The following COL19A1 variants were observed in gnomAD, a reference collection of about 807,000 sequenced individuals.
COL19A1 encodes collagen type XIX alpha 1 chain.
A neutral mutation model predicts 190.2 loss-of-function variants in COL19A1; 159 were observed. The ratio of observed to expected loss-of-function variants is 0.84; its 90% confidence interval spans 0.73 to 0.95. The LOEUF is 0.95. Among genes scored for constraint, COL19A1 ranks in the 40% least tolerant of loss-of-function variants. The pLI is 0.00. For synonymous variants in COL19A1, 509 were observed against 458.9 expected (o/e 1.11, Z -1.39); for missense variants, 1,418 against 1,431.9 (o/e 0.99, Z 0.16).
chr6:70,188,252 A>C lies in COL19A1; in HGVS notation c.3027+7A>C. 1 of 1,605,704 alleles carries C rather than the reference A, an allele frequency of 6.2e-7. No homozygotes were observed. Among genetic ancestry groups the C allele is most frequent in the Non-Finnish European group, 8.5e-7 (1 of 1,177,384 alleles). On this transcript the variant is annotated splice_region_variant and intron_variant, in intron 47 of 50. Coordinates refer to ENST00000620364, the MANE Select transcript of COL19A1 (RefSeq NM_001858.6). ...AGGCATCCCTGGCATTCCGGTAAGTAGTGCTAAGACGCTTTAGGGCTCCTG... is the reference window on the plus strand; with the variant it reads ...AGGCATCCCTGGCATTCCGGTAAGTCGTGCTAAGACGCTTTAGGGCTCCTG...
intron 11 of COL19A1, among the ~76,000 whole-genome samples, chr6:69,967,844 C>T (rs1051988952): frequency 2.6e-5 from 4 of 152,082 alleles, no homozygotes; most frequent in African/African-American, 4.8e-5. Flanking sequence ...ATTTATTGAA[C>T]TCTATATTGT....
intron 15 of COL19A1, among the ~76,000 whole-genome samples, chr6:70,083,736 T>C (rs1562155620): frequency 6.6e-6 from 1 of 152,198 alleles, no homozygotes. Flanking sequence ...AAATATACAA[T>C]GAATTCTCAG....
chr6:70,058,821 GTTAAAA>G (rs1780656870), intron 14 of COL19A1, among the ~76,000 whole-genome samples: 1 of 151,780 alleles, frequency 6.6e-6, no homozygotes, highest in Non-Finnish European at 1.5e-5. Flanking sequence ...AGTGAGGAAA[GTTAAAA>G]TTAAAAAAAA....
intron 15 of COL19A1, among the ~76,000 whole-genome samples, chr6:70,071,808 C>T (rs1235282470): frequency 6.6e-6 from 1 of 151,936 alleles, no homozygotes; most frequent in Admixed American, 6.6e-5. Context: ...CAGAAAAAGG[C>T]CGTACAGAAC....
chr6:70,109,416 A>T (rs1382286256), intron 16 of COL19A1, among the ~76,000 whole-genome samples: 1 of 152,132 alleles, frequency 6.6e-6, no homozygotes. Flanking sequence ...GAATAGTGCC[A>T]GAAAAGATTT....
intron 40 of COL19A1, among the ~76,000 whole-genome samples, chr6:70,171,625 A>G (rs1765506934): frequency 6.6e-6 from 1 of 152,146 alleles, no homozygotes; most frequent in Non-Finnish European, 1.5e-5. Flanking sequence ...TAGCTCACAA[A>G]TTGGCAAACT....
At chr6:69,995,813 AG>A (rs1387628320) in intron 11 of COL19A1, among the ~76,000 whole-genome samples, 1 of 152,178 alleles carries the variant, frequency 6.6e-6, no homozygotes, top group African/African-American at 2.4e-5. Flanking sequence ...AAGGGAATTG[AG>A]ATAAGCTGAT....
intron 16 of COL19A1, among the ~76,000 whole-genome samples, chr6:70,104,015 C>T (rs1028224179): frequency 6.6e-6 from 1 of 152,114 alleles, no homozygotes; most frequent in Non-Finnish European, 1.5e-5. Context: ...ACCCAGTACC[C>T]TAGGAATCTC....
chr6:70,163,330 TTG>T lies in COL19A1; in HGVS notation c.2347-9_2347-8del. 1 of 1,611,148 alleles carries T rather than the reference TTG, an allele frequency of 6.2e-7. No homozygotes were observed. The highest frequency in any genetic ancestry group is 8.5e-7 in the Non-Finnish European group (1 of 1,178,408). On this transcript the variant is annotated splice_polypyrimidine_tract_variant and intron_variant, in intron 35 of 50. Transcript: ENST00000620364. ...TGTTGTTTCTGTAACAAACTTAGTT[TTG>T]TGTTTTACAGGGCTTAATGGGAAGA...
chr6:70,192,843 T>C (rs1029261140), intron 48 of COL19A1, among the ~76,000 whole-genome samples: 9 of 152,248 alleles, frequency 5.9e-5, no homozygotes, highest in Admixed American at 5.2e-4. Context: ...ATAGTATCCA[T>C]GCATTTAGTT....
chr6:70,063,046 C>T (rs1176555520), intron 14 of COL19A1, among the ~76,000 whole-genome samples: 1 of 152,006 alleles, frequency 6.6e-6, no homozygotes, highest in African/African-American at 2.4e-5. Flanking sequence ...ACTTTAACAC[C>T]CCACTGTCAA....
At chr6:70,140,256 T>C (rs1371813323) in intron 19 of COL19A1, among the ~76,000 whole-genome samples, 1 of 152,000 alleles carries the variant, frequency 6.6e-6, no homozygotes, top group Non-Finnish European at 1.5e-5. Flanking sequence ...CATTCTCCTG[T>C]ATACTTCAAA....
intron 4 of COL19A1, among the ~76,000 whole-genome samples, chr6:69,916,132 T>C (rs1424090090): frequency 6.6e-6 from 1 of 152,096 alleles, no homozygotes; most frequent in Non-Finnish European, 1.5e-5. Context: ...GAGATGGGGT[T>C]TCACCGTGTT....
At chr6:70,106,805 A>G (rs1783999441) in intron 16 of COL19A1, among the ~76,000 whole-genome samples, 1 of 152,222 alleles carries the variant, frequency 6.6e-6, no homozygotes, top group Non-Finnish European at 1.5e-5. Context: ...CATTGGAGGG[A>G]AACTATTACA....
At chr6:70,180,241 G>C (rs879344485) in intron 42 of COL19A1, 71 bp from the exon 43 acceptor site, 2 of 1,555,576 alleles carry the variant, frequency 1.3e-6, no homozygotes, top group Non-Finnish European at 1.8e-6. Context: ...AATTGGGGTT[G>C]GGGGAAGAGA....
chr6:70,206,741 A>C (rs1384831596), intron 49 of COL19A1, among the ~76,000 whole-genome samples, 160 bp from the exon 50 acceptor site: 2 of 152,114 alleles, frequency 1.3e-5, no homozygotes, highest in Non-Finnish European at 2.9e-5. Flanking sequence ...TTGATATGTA[A>C]GTTTAATATG....
In COL19A1 at chr6:70,207,422, A is replaced by G. The variant is rs1406530219; in HGVS notation, c.*148A>G. On this transcript the variant is annotated 3_prime_UTR_variant, in exon 51 of 51. Coordinates refer to ENST00000620364, the MANE Select transcript of COL19A1 (RefSeq NM_001858.6). Reference sequence around the variant, plus strand: ...CCAGGCATTAAAAGCAACCGTTTGAATCCTATTCCTATAGCAATTGCAAAT... The same window carrying G: ...CCAGGCATTAAAAGCAACCGTTTGAGTCCTATTCCTATAGCAATTGCAAAT... The G allele has an allele frequency of 5.7e-6, 4 of 696,702 alleles. No individual in the cohort carries two copies. The East Asian group carries it at 1.1e-4, about 20-fold the overall frequency. The allele number at this position is 696,702 out of a possible 1,614,324, so 43.2% of individuals were successfully genotyped here.
chr6:69,913,364 G>T (rs555426067), intron 4 of COL19A1, among the ~76,000 whole-genome samples: 27 of 152,158 alleles, frequency 1.8e-4, no homozygotes, highest in Non-Finnish European at 3.2e-4. Flanking sequence ...AGGGTGAATA[G>T]AAACAGTCCC....
chr6:70,078,942 C>A (rs1160477121), intron 15 of COL19A1, among the ~76,000 whole-genome samples: 1 of 152,102 alleles, frequency 6.6e-6, no homozygotes, highest in South Asian at 2.1e-4. Flanking sequence ...TGGTGTGCAC[C>A]TCTAATCTCA....
Sources: gnomAD v4.1 joint callset for allele counts (sites outside exome capture counted in the v4.1 genomes callset) on GRCh38, gnomAD v4.1.1 for gene constraint, MANE v1.5 for transcripts, NCBI Gene and HGNC (gene_info 2026-07-23, HGNC 2026-07-21) for gene names.